The following SLC35F2 variants were observed in gnomAD, a reference collection of about 807,000 sequenced individuals.
SLC35F2 encodes solute carrier family 35 member F2, also known as queuine/queuosine transporter SLC35F2.
In SLC35F2, 25 loss-of-function variants were observed where a neutral mutation model predicts 38.1. The observed-to-expected ratio is 0.66, with a 90% confidence interval of 0.48 to 0.92. The LOEUF is 0.92. Ranked by LOEUF, SLC35F2 falls within the 40% of genes least tolerant of loss-of-function variation. The probability of loss-of-function intolerance (pLI) is 0.00; values close to 1 mark genes in which losing one functional copy is unlikely to be tolerated. For missense variants in SLC35F2, 409 were observed against 452.9 expected (o/e 0.90, Z 0.88); for synonymous variants, 173 against 181.7 (o/e 0.95, Z 0.38).
intron 2 of SLC35F2, among the ~76,000 whole-genome samples, chr11:107,812,631 T>C (rs1431698194): frequency 1.3e-5 from 2 of 152,162 alleles, no homozygotes; most frequent in African/African-American, 4.8e-5. Flanking sequence ...CATGGCACGT[T>C]TATCTATGTA....
intron 7 of SLC35F2, among the ~76,000 whole-genome samples, chr11:107,802,598 A>G (rs561076314): frequency 5.2e-4 from 79 of 152,358 alleles, no homozygotes; most frequent in Non-Finnish European, 9.3e-4. Flanking sequence ...TTTCCTTTCC[A>G]TCAGGTACTC....
chr11:107,842,257 C>CAAAAAAAAAAAAAAAAAAAAA lies in SLC35F2; in HGVS notation c.110+16380_110+16400dup, dbSNP rs541185009. Reference sequence around the variant, plus strand: ...GGCGACAGAGTGAGACTCCGTCTCACAAAAAAAAAAAAAAAAAAAAAAAAA... The same window carrying CAAAAAAAAAAAAAAAAAAAAA: ...GGCGACAGAGTGAGACTCCGTCTCACAAAAAAAAAAAAAAAAAAAAAAAAAAAAAAAAAAAAAAAAAAAAAA... On this transcript the variant is annotated intron_variant, in intron 1 of 7. Coordinates refer to ENST00000525815, the MANE Select transcript of SLC35F2 (RefSeq NM_017515.5). 1.1e-4 allele frequency among the ~76,000 whole-genome samples: 4 copies of CAAAAAAAAAAAAAAAAAAAAA among 37,902 alleles called. 1 individual carries two copies. The highest frequency in any genetic ancestry group is 4.2e-5 in the Non-Finnish European group (1 of 23,856). The allele number at this position is 37,902 out of a possible 152,430, so 24.9% of individuals were successfully genotyped here.
chr11:107,843,866 AAAATATATATAT>A (rs1272342429), intron 1 of SLC35F2, among the ~76,000 whole-genome samples: 2,600 of 38,410 alleles, frequency 0.068, 138 homozygotes, highest in Non-Finnish European at 0.081. Context: ...AAAAAAAAAA[AAAATATATATAT>A]ATATATATAT....
At chr11:107,796,393 A>G (rs1196170409) in intron 7 of SLC35F2, among the ~76,000 whole-genome samples, 1 of 152,234 alleles carries the variant, frequency 6.6e-6, no homozygotes, top group Non-Finnish European at 1.5e-5. Context: ...CCGTCAGTGG[A>G]CAAATGAATA....
At chr11:107,808,271 C>T (rs1184793079) in intron 3 of SLC35F2, among the ~76,000 whole-genome samples, 1 of 152,134 alleles carries the variant, frequency 6.6e-6, no homozygotes. Context: ...ACTAGCTATA[C>T]ACCTGATATT....
At chr11:107,843,855 AAAAAAAAAAAAAAATATATAT>A (rs1428066651) in intron 1 of SLC35F2, among the ~76,000 whole-genome samples, 13 of 37,162 alleles carry the variant, frequency 3.5e-4, no homozygotes, top group African/African-American at 8.4e-4. Flanking sequence ...TTAAAAAAAA[AAAAAAAAAAAAAAATATATAT>A]ATATATATAT....
chr11:107,799,062 C>A (rs1488761999), intron 7 of SLC35F2, among the ~76,000 whole-genome samples: 1 of 152,112 alleles, frequency 6.6e-6, no homozygotes, highest in African/African-American at 2.4e-5. Context: ...GGTGACAGAG[C>A]GAGACTCTGT....
At chr11:107,835,260 A>G (rs1281219833) in intron 1 of SLC35F2, among the ~76,000 whole-genome samples, 1 of 152,198 alleles carries the variant, frequency 6.6e-6, no homozygotes, top group African/African-American at 2.4e-5. Context: ...GAGGTCATCT[A>G]TCTCAAAACA....
rs910020715 is a variant in SLC35F2, at chr11:107,791,414, A to T, written c.*1201T>A. 1 of 152,190 alleles carries T rather than the reference A, an allele frequency of 6.6e-6. No individual in the cohort carries two copies. Among genetic ancestry groups the T allele is most frequent in the Non-Finnish European group, 1.5e-5 (1 of 68,042 alleles). The allele number at this position is 152,190 out of a possible 1,614,324, so 9.4% of individuals were successfully genotyped here. On this transcript the variant is annotated 3_prime_UTR_variant, in exon 8 of 8. Transcript: ENST00000525815. ...AGGAATATTCCAGGAGGTCGTGAGA[A>T]GTTTTTAGAAAGGATGGCATCTACA...
intron 1 of SLC35F2, among the ~76,000 whole-genome samples, chr11:107,820,567 GT>G (rs1859652338): frequency 6.6e-6 from 1 of 152,058 alleles, no homozygotes; most frequent in African/African-American, 2.4e-5. Flanking sequence ...ATCTTCCTAC[GT>G]TCTATATCTC....
intron 1 of SLC35F2, among the ~76,000 whole-genome samples, chr11:107,847,023 T>C (rs1045211071): frequency 1.3e-5 from 2 of 152,152 alleles, no homozygotes; most frequent in Non-Finnish European, 2.9e-5. Flanking sequence ...TTCTCTCTGA[T>C]GATCTTCAGT....
chr11:107,795,136 A>G lies in SLC35F2; in HGVS notation c.940-2336T>C, dbSNP rs573957124. Among the ~76,000 whole-genome samples, 6 of 152,346 alleles carry G rather than the reference A, an allele frequency of 3.9e-5. No homozygotes were observed. The East Asian group carries it at 9.6e-4, about 24-fold the overall frequency. ...ACTGCCCAAAGCAATCTATAAATTCAGTGCAATCCCTATCAAAATATCAAT... is the reference window on the plus strand; with the variant it reads ...ACTGCCCAAAGCAATCTATAAATTCGGTGCAATCCCTATCAAAATATCAAT... On this transcript the variant is annotated intron_variant, in intron 7 of 7. Coordinates refer to ENST00000525815, the MANE Select transcript of SLC35F2 (RefSeq NM_017515.5).
intron 1 of SLC35F2, among the ~76,000 whole-genome samples, chr11:107,857,099 C>T (rs1397173347): frequency 7.7e-6 from 1 of 130,624 alleles, no homozygotes; most frequent in Admixed American, 8.2e-5. Context: ...TGTCCAAGGT[C>T]ACCCAGCAGA....
In SLC35F2 at chr11:107,803,033, G is replaced by A; in HGVS notation, c.907C>T (p.Leu303Phe). 1 of 1,613,384 alleles carries A rather than the reference G, an allele frequency of 6.2e-7. No homozygotes were observed. Among genetic ancestry groups the A allele is most frequent in the South Asian group, 1.1e-5 (1 of 90,938 alleles). The change falls in exon 7 of 8, where the codon CTT becomes TTT. Residue 303 changes from leucine (L) to phenylalanine (F), a missense_variant. By Grantham distance (22) the Leu-to-Phe change is conservative (BLOSUM62 0). Transcript: ENST00000525815. ...LGILTADLYS[L>F]FVGLFLFGYK... is the part of the protein sequence containing the mutation. ...CCAAACAGAAAGAGTCCAACAAAAAGGCTGTAGAGGTCCGCTGTCAGGATG... is the reference window on the plus strand; with the variant it reads ...CCAAACAGAAAGAGTCCAACAAAAAAGCTGTAGAGGTCCGCTGTCAGGATG...
intron 1 of SLC35F2, among the ~76,000 whole-genome samples, chr11:107,852,377 C>G (rs1296567001): frequency 6.6e-6 from 1 of 151,960 alleles, no homozygotes; most frequent in Admixed American, 6.6e-5. Context: ...TGGTGAAACC[C>G]CGTCTCTACT....
chr11:107,837,066 G>A (rs189469031), intron 1 of SLC35F2, among the ~76,000 whole-genome samples: 1 of 152,158 alleles, frequency 6.6e-6, no homozygotes, highest in Admixed American at 6.6e-5. Context: ...AGAAACTGCT[G>A]AACTAGTTCC....
chr11:107,792,554 C>G lies in SLC35F2; in HGVS notation c.*61G>C, dbSNP rs2134751935. 2 of 1,526,588 alleles carry G rather than the reference C, an allele frequency of 1.3e-6. No homozygotes were observed. The highest frequency in any genetic ancestry group is 4.0e-5 in the Admixed American group (2 of 49,892). 94.6% of individuals were successfully genotyped at this position (1,526,588 alleles called of 1,614,324 possible). On this transcript the variant is annotated 3_prime_UTR_variant, in exon 8 of 8. Transcript: ENST00000525815. The stretch of plus-strand genomic sequence containing the variant: ...GAGTCTGCTATTTCCCCAAGTGTCC[C>G]CTCAGCAGGCAGCAGGCTCTGCTTT...
intron 1 of SLC35F2, among the ~76,000 whole-genome samples, chr11:107,845,032 T>C (rs377462705): frequency 4.0e-5 from 6 of 149,786 alleles, no homozygotes; most frequent in African/African-American, 1.2e-4. Flanking sequence ...GATCCCAGAA[T>C]AGTGTGGTTG....
intron 1 of SLC35F2, among the ~76,000 whole-genome samples, chr11:107,857,882 G>T (rs1018675211): frequency 6.6e-6 from 1 of 152,144 alleles, no homozygotes; most frequent in Non-Finnish European, 1.5e-5. Flanking sequence ...AGGATTAGCT[G>T]ATATTATCCA....
Sources: allele counts gnomAD v4.1 joint callset (sites outside exome capture counted in the v4.1 genomes callset), GRCh38; gene constraint gnomAD v4.1.1; transcripts MANE v1.5; gene names NCBI Gene and HGNC (gene_info 2026-07-23, HGNC 2026-07-21).